NAALADL2: variants seen among roughly 807,000 people sequenced by gnomAD.
NAALADL2 encodes the protein inactive N-acetylated-alpha-linked acidic dipeptidase-like protein 2.
Under a neutral mutation model 87.2 loss-of-function variants are expected in NAALADL2, and 76 were observed. The observed-to-expected ratio is 0.87, with a 90% CI of 0.72 to 1.05. The LOEUF (loss-of-function observed/expected upper bound fraction) is 1.05, where lower values mean the gene tolerates loss of function less well. Ranked by LOEUF, NAALADL2 falls within the 50% of genes least tolerant of loss-of-function variation. The pLI is 0.00. For missense variants in NAALADL2, 1,089 were observed against 945.8 expected, an observed-to-expected ratio of 1.15 and a Z score of -1.99; for synonymous variants, 354 against 331.0, an observed-to-expected ratio of 1.07 and a Z score of -0.75.
chr3:174,519,326 C>CTTTTTTTTTTTTTTTTTTTTTTTT (rs557612913), intron 1 of NAALADL2, among the ~76,000 whole-genome samples: 1 of 128,928 alleles, frequency 7.8e-6, no homozygotes, highest in African/African-American at 2.9e-5. Flanking sequence ...TGAAGATTTC[C>CTTTTTTTTTTTTTTTTTTTTTTTT]TTTTTTTTTT....
chr3:175,795,046 A>G (rs567401777), intron 13 of NAALADL2, among the ~76,000 whole-genome samples: 1 of 152,130 alleles, frequency 6.6e-6, no homozygotes, highest in Non-Finnish European at 1.5e-5. Flanking sequence ...TAAAGGCACT[A>G]ATCCCATCCT....
At chr3:175,379,558 G>C (rs1241027703) in intron 5 of NAALADL2, among the ~76,000 whole-genome samples, 2 of 150,546 alleles carry the variant, frequency 1.3e-5, no homozygotes, top group South Asian at 2.1e-4. Context: ...TTTTAAGATG[G>C]AGTCTCACTC....
rs527978437 is a variant in NAALADL2, at chr3:175,251,693, G to A, written c.820-4718G>A. ...TGACTTGGCATTTTATCATATCATT[G>A]TATATTGATTTGTGCCTCAAAAAAT... On this transcript the variant is annotated intron_variant, in intron 3 of 13. Coordinates refer to ENST00000454872, the MANE Select transcript of NAALADL2 (RefSeq NM_207015.3). 1.7e-4 allele frequency among the ~76,000 whole-genome samples: 26 copies of A among 152,318 alleles called. No homozygotes were observed. The South Asian group carries it at 5.2e-3, about 30-fold the overall frequency.
intron 2 of NAALADL2, among the ~76,000 whole-genome samples, chr3:175,103,212 T>C (rs1722536926): frequency 6.6e-6 from 1 of 152,176 alleles, no homozygotes; most frequent in African/African-American, 2.4e-5. Flanking sequence ...CATATTTTAG[T>C]AATTACTTAA....
intron 1 of NAALADL2, among the ~76,000 whole-genome samples, chr3:174,874,058 C>T (rs1292349596): frequency 6.6e-6 from 1 of 151,992 alleles, no homozygotes; most frequent in African/African-American, 2.4e-5. Flanking sequence ...CCTGGGCTGG[C>T]ATAATACAAG....
intron 1 of NAALADL2, among the ~76,000 whole-genome samples, chr3:175,056,316 T>G (rs1387225119): frequency 6.6e-6 from 1 of 152,154 alleles, no homozygotes; most frequent in Non-Finnish European, 1.5e-5. Flanking sequence ...GTGAAAAGTT[T>G]CCAAAGTGGA....
chr3:174,873,355 A>G (rs914313830), intron 1 of NAALADL2, among the ~76,000 whole-genome samples: 1 of 151,938 alleles, frequency 6.6e-6, no homozygotes, highest in African/African-American at 2.4e-5. Context: ...CCCGGGTTCA[A>G]GTGATTCTCC....
At chr3:175,573,339 T>G (rs75554289) in intron 9 of NAALADL2, among the ~76,000 whole-genome samples, 1,885 of 152,312 alleles carry the variant, frequency 0.012, 39 homozygotes, top group African/African-American at 0.04. Flanking sequence ...TAAAAATGAT[T>G]TTTACTTTCA....
chr3:174,494,177 A>G (rs1007732797), intron 1 of NAALADL2, among the ~76,000 whole-genome samples: 2 of 152,118 alleles, frequency 1.3e-5, no homozygotes, highest in Admixed American at 1.3e-4. Flanking sequence ...GCCTGTTGGG[A>G]AATGTTAGGT....
At chr3:174,509,725 T>C (rs1427014293) in intron 1 of NAALADL2, among the ~76,000 whole-genome samples, 1 of 151,318 alleles carries the variant, frequency 6.6e-6, no homozygotes, top group Non-Finnish European at 1.5e-5. Context: ...CGAGCACAGC[T>C]GTCTCTTCCT....
intron 3 of NAALADL2, among the ~76,000 whole-genome samples, chr3:174,786,180 G>C (rs1716616614): frequency 6.6e-6 from 1 of 152,126 alleles, no homozygotes; most frequent in Non-Finnish European, 1.5e-5. Flanking sequence ...GCCAGGCATG[G>C]TGACTCACGC....
intron 11 of NAALADL2, among the ~76,000 whole-genome samples, chr3:175,718,050 A>C (rs1741601522): frequency 6.6e-6 from 1 of 151,738 alleles, no homozygotes; most frequent in Non-Finnish European, 1.5e-5. Flanking sequence ...AATTAGTATC[A>C]TTTACAGTAT....
At chr3:174,782,333 T>C (rs1179228902) in intron 3 of NAALADL2, among the ~76,000 whole-genome samples, 1 of 152,168 alleles carries the variant, frequency 6.6e-6, no homozygotes, top group Non-Finnish European at 1.5e-5. Context: ...AGAGTAATTC[T>C]GTTGATTTTC....
chr3:175,504,160 A>G (rs570664218), intron 9 of NAALADL2, among the ~76,000 whole-genome samples: 5 of 152,282 alleles, frequency 3.3e-5, no homozygotes, highest in African/African-American at 9.6e-5. Flanking sequence ...TTATCCCAAT[A>G]CTTTTTATTG....
chr3:175,326,614 T>A (rs1234058630), intron 5 of NAALADL2, among the ~76,000 whole-genome samples: 1 of 152,186 alleles, frequency 6.6e-6, no homozygotes, highest in Non-Finnish European at 1.5e-5. Flanking sequence ...AGAGCGGAGA[T>A]TTGTTTCTTA....
At chr3:174,606,206 C>G (rs560077405) in intron 2 of NAALADL2, among the ~76,000 whole-genome samples, 39 of 152,192 alleles carry the variant, frequency 2.6e-4, no homozygotes, top group African/African-American at 8.7e-4. Flanking sequence ...TAGATAAAAC[C>G]ACAAAGATGG....
At chr3:174,591,188 C>A (rs560768095) in intron 2 of NAALADL2, among the ~76,000 whole-genome samples, 1 of 152,286 alleles carries the variant, frequency 6.6e-6, no homozygotes, top group African/African-American at 2.4e-5. Context: ...TCTCCATAAG[C>A]CTTCCAATGG....
chr3:174,845,182 A>G (rs571105519), intron 3 of NAALADL2, among the ~76,000 whole-genome samples: 2 of 152,296 alleles, frequency 1.3e-5, no homozygotes, highest in Admixed American at 6.5e-5. Context: ...GGCTGACTGA[A>G]TGGCTGTGCA....
chr3:175,794,651 T>C (rs1753229619), intron 13 of NAALADL2, among the ~76,000 whole-genome samples: 1 of 152,236 alleles, frequency 6.6e-6, no homozygotes, highest in Non-Finnish European at 1.5e-5. Flanking sequence ...CTGAGAACTC[T>C]TGACAGTAAC....
Sources: gnomAD v4.1 joint callset for allele counts (sites outside exome capture counted in the v4.1 genomes callset) on GRCh38, gnomAD v4.1.1 for gene constraint, MANE v1.5 for transcripts, NCBI Gene and HGNC (gene_info 2026-07-23, HGNC 2026-07-21) for gene names.